PRKCQ: variants seen among roughly 807,000 people sequenced by gnomAD.
The protein encoded by PRKCQ is protein kinase C theta, also known as protein kinase C theta type.
PRKCQ carries 41 observed loss-of-function variants against 91.2 expected under a neutral mutation model. The observed-to-expected ratio is 0.45, with a 90% CI of 0.35 to 0.58. The LOEUF is 0.58. Among genes scored for constraint, PRKCQ ranks in the 20% least tolerant of loss-of-function variants. The pLI is 0.00. For missense variants in PRKCQ, 673 were observed against 896.5 expected (o/e 0.75, Z 3.18); for synonymous variants, 307 against 316.9 (o/e 0.97, Z 0.33).
chr10:6,396,983 G>A, the PRKCQ span, among the ~76,000 whole-genome samples: 27 of 152,190 alleles, frequency 1.8e-4, no homozygotes, highest in African/African-American at 5.6e-4. Context: ...CCTAGGGAGC[G>A]AAGTGCCAAC....
At chr10:6,453,984 A>G (rs903831576) in intron 15 of PRKCQ, among the ~76,000 whole-genome samples, 15 of 152,096 alleles carry the variant, frequency 9.9e-5, no homozygotes, top group African/African-American at 3.1e-4. Context: ...TGACGAGTTA[A>G]TGGGTGCAGC....
intron 1 of PRKCQ, among the ~76,000 whole-genome samples, chr10:6,561,306 A>C (rs1389935316): frequency 7.4e-6 from 1 of 134,982 alleles, no homozygotes; most frequent in Admixed American, 8.7e-5. Context: ...TGGGAGGTGC[A>C]GCCTACATTG....
the PRKCQ span, among the ~76,000 whole-genome samples, chr10:6,413,724 TGCGC>T: frequency 2.0e-5 from 1 of 49,658 alleles, no homozygotes. Flanking sequence ...ATGCCACTTG[TGCGC>T]GCGCACACAC....
intron 11 of PRKCQ, among the ~76,000 whole-genome samples, chr10:6,481,648 C>G (rs1836602436): frequency 6.6e-6 from 1 of 151,544 alleles, no homozygotes; most frequent in Non-Finnish European, 1.5e-5. Context: ...CAATATTATT[C>G]AGCTGTGGTG....
At chr10:6,563,172 G>A (rs1390288768) in intron 1 of PRKCQ, among the ~76,000 whole-genome samples, 1 of 151,748 alleles carries the variant, frequency 6.6e-6, no homozygotes, top group African/African-American at 2.4e-5. Context: ...ATATTCAGTC[G>A]AAAGTGAAGT....
intron 14 of PRKCQ, among the ~76,000 whole-genome samples, chr10:6,461,247 A>G (rs1835334287): frequency 6.6e-6 from 1 of 151,630 alleles, no homozygotes. Flanking sequence ...CTGTTCATCC[A>G]TTCATCCAAC....
chr10:6,451,664 T>G (rs1164705210), intron 15 of PRKCQ, among the ~76,000 whole-genome samples: 2 of 152,154 alleles, frequency 1.3e-5, no homozygotes, highest in Non-Finnish European at 2.9e-5. Context: ...TGAACATTGA[T>G]GCAAAAATCC....
chr10:6,451,003 C>A (rs1307474102), intron 15 of PRKCQ, among the ~76,000 whole-genome samples: 3 of 151,968 alleles, frequency 2.0e-5, no homozygotes, highest in African/African-American at 7.3e-5. Context: ...ACCCTAACAT[C>A]ACAATTAAAA....
intron 8 of PRKCQ, among the ~76,000 whole-genome samples, chr10:6,486,681 C>T (rs185740466): frequency 7.2e-5 from 11 of 152,354 alleles, no homozygotes; most frequent in African/African-American, 2.6e-4. Context: ...TGAATTCTTC[C>T]TGGGCGAAGC....
downstream of PRKCQ, among the ~76,000 whole-genome samples, chr10:6,423,987 G>C (rs1446418252): frequency 2.6e-5 from 4 of 152,122 alleles, no homozygotes; most frequent in African/African-American, 4.8e-5. Flanking sequence ...GTGTCTGCCA[G>C]GGTGGTAGGC....
chr10:6,514,114 G>A (rs780928904), intron 2 of PRKCQ, among the ~76,000 whole-genome samples: 16 of 152,056 alleles, frequency 1.1e-4, no homozygotes, highest in African/African-American at 2.9e-4. Flanking sequence ...TGGTCTCTCC[G>A]TAAACACTTT....
chr10:6,454,877 A>G (rs1834925167), intron 15 of PRKCQ, among the ~76,000 whole-genome samples: 1 of 152,200 alleles, frequency 6.6e-6, no homozygotes, highest in African/African-American at 2.4e-5. Flanking sequence ...ACGTAAAAGA[A>G]AAGAAGGGAG....
At chr10:6,507,118 C>T (rs556869550) in intron 4 of PRKCQ, among the ~76,000 whole-genome samples, 80 of 152,322 alleles carry the variant, frequency 5.3e-4, no homozygotes, top group African/African-American at 1.9e-3. Flanking sequence ...TGTGTACACA[C>T]ATAACCACAC....
At chr10:6,574,556 C>T (rs144373007) in intron 1 of PRKCQ, among the ~76,000 whole-genome samples, 1 of 152,338 alleles carries the variant, frequency 6.6e-6, no homozygotes, top group East Asian at 1.9e-4. Context: ...CAGCTGACTC[C>T]TCCAGCTCCA....
At chr10:6,489,425 G>C (rs1464660452) in intron 8 of PRKCQ, 2 of 531,992 alleles carry the variant, frequency 3.8e-6, no homozygotes, top group South Asian at 2.8e-5. Context: ...GTTTCTTGGA[G>C]GGCAAAGAGT....
chr10:6,458,123 A>G (rs12780187), intron 14 of PRKCQ, among the ~76,000 whole-genome samples: 8,837 of 152,204 alleles, frequency 0.058, 565 homozygotes, highest in East Asian at 0.35. Context: ...TTTTGTAGAG[A>G]CAAGGTCTCA....
chr10:6,489,701 C>T (rs769307804), intron 8 of PRKCQ, among the ~76,000 whole-genome samples: 1 of 151,070 alleles, frequency 6.6e-6, no homozygotes, highest in Non-Finnish European at 1.5e-5. Context: ...GGAAAACAAA[C>T]CAGGGCAGGG....
chr10:6,488,004 CAA>C (rs774276182), intron 8 of PRKCQ, among the ~76,000 whole-genome samples: 6 of 113,230 alleles, frequency 5.3e-5, no homozygotes, highest in African/African-American at 6.9e-5. Flanking sequence ...GACTGTGTCT[CAA>C]AAAAAAAAAA....
intron 15 of PRKCQ, among the ~76,000 whole-genome samples, chr10:6,452,604 C>T (rs200021679): frequency 0.23 from 34,537 of 148,962 alleles, 4,355 homozygotes; most frequent in Admixed American, 0.27. Context: ...AAAAAGAACC[C>T]GCATCACCAA....
Sources: allele counts gnomAD v4.1 joint callset (sites outside exome capture counted in the v4.1 genomes callset), GRCh38; gene constraint gnomAD v4.1.1; transcripts MANE v1.5; gene names NCBI Gene and HGNC (gene_info 2026-07-23, HGNC 2026-07-21).